DHX36: variants seen among roughly 807,000 people sequenced by gnomAD.
The protein encoded by DHX36 is ATP-dependent DNA/RNA helicase DHX36.
A neutral mutation model predicts 139.0 loss-of-function variants in DHX36; 50 were observed. The ratio of observed to expected loss-of-function variants is 0.36; its 90% CI spans 0.29 to 0.46. The LOEUF (loss-of-function observed/expected upper bound fraction) is 0.46, where lower values mean the gene tolerates loss of function less well. DHX36 is among the 20% of genes least tolerant of loss of function. The pLI, the probability that DHX36 is intolerant of heterozygous loss-of-function variation, is 1.00. For missense variants in DHX36, 1,024 were observed against 1,211.3 expected (o/e 0.85, Z 2.29); for synonymous variants, 425 against 401.9 (o/e 1.06, Z -0.69).
Position 154,284,570 on chromosome 3 carries a change from T to TC in DHX36, c.2292+12_2292+13insG. Reference sequence around the variant, plus strand: ...AAACTATCATAATCCAGGACAAAATTTTTTTTTTTTACCTCAAACGCATTC... The same window carrying TC: ...AAACTATCATAATCCAGGACAAAATTCTTTTTTTTTTACCTCAAACGCATTC... On this transcript the variant is annotated intron_variant, in intron 19 of 24. Transcript: ENST00000496811. The TC allele has an allele frequency of 6.5e-7, 1 of 1,532,702 alleles. No individual in the cohort carries two copies. The highest frequency in any genetic ancestry group is 8.9e-7 in the Non-Finnish European group (1 of 1,129,604). 94.9% of individuals were successfully genotyped at this position (1,532,702 alleles called of 1,614,324 possible). A position where few individuals can be genotyped will look rare whatever the true frequency, so the allele number is the denominator to read the frequency against.
chr3:154,295,207 G>T lies in DHX36; in HGVS notation c.1605+77C>A, dbSNP rs993042823. The T allele has an allele frequency of 3.3e-5, 28 of 855,060 alleles. No individual in the cohort carries two copies. The African/African-American group carries it at 5.1e-4, about 16-fold the overall frequency. 53.0% of individuals were successfully genotyped at this position (855,060 alleles called of 1,614,324 possible). A position where few individuals can be genotyped will look rare whatever the true frequency, so the allele number is the denominator to read the frequency against. ...GAAAATACTCCTTAAAAAAAATAAA[G>T]GAAAACACGTAACAAGCAGTCCTTA... is the stretch of plus-strand genomic sequence containing the variant. On this transcript the variant is annotated intron_variant, in intron 13 of 24. Transcript: ENST00000496811.
Position 154,280,816 on chromosome 3 carries a change from G to T in DHX36, c.2423C>A (p.Ala808Asp). The change falls in exon 21 of 25, where the codon GCT becomes GAT. Residue 808 changes from alanine (A) to aspartate (D), a missense_variant. Ala to Asp is a moderately radical substitution (Grantham distance 126). Coordinates refer to ENST00000496811, the MANE Select transcript of DHX36 (RefSeq NM_020865.3). ...AGGATTTCTACTGCTTACAAATCCAGCTCCAAGAAGATGCTCAGCAAACTG... is the reference window on the plus strand; with the variant it reads ...AGGATTTCTACTGCTTACAAATCCATCTCCAAGAAGATGCTCAGCAAACTG... ...KGQFAEHLLG[A>D]GFVSSRNPKD... 1 of 1,613,520 alleles carries T rather than the reference G, an allele frequency of 6.2e-7. No homozygotes were observed. Among genetic ancestry groups the T allele is most frequent in the Non-Finnish European group, 8.5e-7 (1 of 1,179,782 alleles).
Position 154,275,878 on chromosome 3 carries a change from T to C in DHX36, c.*293A>G, listed in dbSNP as rs1719130451. ...TTGTATAACAGAACAAAGGAATTTC[T>C]CAAGTGGTACAATACTCAATATATA... On this transcript the variant is annotated 3_prime_UTR_variant, in exon 25 of 25. Transcript: ENST00000496811. 5.2e-6 allele frequency: 1 copy of C among 191,758 alleles called. No homozygotes were observed. The highest frequency in any genetic ancestry group is 1.9e-4 in the South Asian group (1 of 5,206). 11.9% of individuals were successfully genotyped at this position (191,758 alleles called of 1,614,324 possible). A position where few individuals can be genotyped will look rare whatever the true frequency, so the allele number is the denominator to read the frequency against.
intron 19 of DHX36, 72 bp from the exon 20 acceptor site, chr3:154,283,343 C>CTTTA: frequency 9.5e-7 from 1 of 1,053,408 alleles, no homozygotes; most frequent in Non-Finnish European, 1.5e-6. Context: ...TCCCTCTTTA[C>CTTTA]TTTAGTAAAA....
intron 12 of DHX36, among the ~76,000 whole-genome samples, chr3:154,297,413 T>C (rs1164378592): frequency 6.6e-6 from 1 of 152,196 alleles, no homozygotes; most frequent in Non-Finnish European, 1.5e-5. Flanking sequence ...CGTGGATTCA[T>C]TAAGATTCTC....
chr3:154,278,407 T>G (rs924256174), intron 22 of DHX36: 1 of 152,142 alleles, frequency 6.6e-6, no homozygotes, highest in African/African-American at 2.4e-5. Context: ...ATTACCTGTA[T>G]TAACTAACAG....
intron 11 of DHX36, among the ~76,000 whole-genome samples, 168 bp from the exon 12 acceptor site, chr3:154,300,093 G>C (rs1712205837): frequency 1.3e-5 from 2 of 151,812 alleles, no homozygotes. Context: ...GTTTTTGAGA[G>C]AGTCTTGCTC....
At chr3:154,291,081 G>C (rs1375881823) in intron 15 of DHX36, among the ~76,000 whole-genome samples, 1 of 125,584 alleles carries the variant, frequency 8.0e-6, no homozygotes, top group East Asian at 2.5e-4. Context: ...CTTGCAGTGA[G>C]CCGAGATCCC....
In DHX36 at chr3:154,309,665, A is replaced by G; in HGVS notation, c.801T>C (p.Ile267=). ...AGAGATTACTTACTGAAATGGCACT[A>G]ATTCTTCTTGGCTGAGTACAAACTA... ...CRIVCTQPRR[I]SAISVAERVA... The change falls in exon 5 of 25, where the codon ATT becomes ATC. Residue 267 remains isoleucine (I), a synonymous_variant. Transcript: ENST00000496811. 6.3e-7 allele frequency: 1 copy of G among 1,599,840 alleles called. No homozygotes were observed. The highest frequency in any genetic ancestry group is 1.1e-5 in the South Asian group (1 of 87,602).
At chr3:154,314,989 A>C in intron 3 of DHX36, 57 bp downstream of exon 3, 1 of 1,258,962 alleles carries the variant, frequency 7.9e-7, no homozygotes, top group South Asian at 1.4e-5. Context: ...CCATACATAC[A>C]TTTTTATAAA....
rs1719075510 is a variant in DHX36, at chr3:154,274,117, G to A, written c.*2054C>T. 1 of 152,634 alleles carries A rather than the reference G, an allele frequency of 6.6e-6. No homozygotes were observed. The highest frequency in any genetic ancestry group is 1.5e-5 in the Non-Finnish European group (1 of 68,408). 9.5% of individuals were successfully genotyped at this position (152,634 alleles called of 1,614,324 possible). On this transcript the variant is annotated 3_prime_UTR_variant, in exon 25 of 25. Transcript: ENST00000496811. The stretch of plus-strand genomic sequence containing the variant: ...AGCACAGGAGTTTTGAGACCAGCCT[G>A]GGCAACATGGTGAAACGGTGTCTCT...
chr3:154,290,153 A>C (rs1198514550), intron 15 of DHX36, among the ~76,000 whole-genome samples: 2 of 152,212 alleles, frequency 1.3e-5, no homozygotes, highest in Non-Finnish European at 2.9e-5. Context: ...GGTTAAGAAT[A>C]GTAACGTCAA....
chr3:154,290,943 G>A (rs187158), intron 15 of DHX36, among the ~76,000 whole-genome samples: 101,952 of 149,888 alleles, frequency 0.68, 35,529 homozygotes, highest in South Asian at 0.77. Flanking sequence ...GACCATCCCG[G>A]CTAAAACGGT....
At chr3:154,296,820 C>T (rs976944264) in intron 12 of DHX36, among the ~76,000 whole-genome samples, 8 of 152,066 alleles carry the variant, frequency 5.3e-5, no homozygotes, top group Non-Finnish European at 1.2e-4. Flanking sequence ...AGAGATTTTA[C>T]GAATCTTAAA....
chr3:154,283,292 G>C (rs1719386207), intron 19 of DHX36, 21 bp from the exon 20 acceptor site: 1 of 1,554,382 alleles, frequency 6.4e-7, no homozygotes, highest in East Asian at 2.2e-5. Flanking sequence ...AAGAAATGAA[G>C]AAATCTATAT....
At chr3:154,310,463 T>G (rs955158067) in intron 4 of DHX36, among the ~76,000 whole-genome samples, 1 of 151,768 alleles carries the variant, frequency 6.6e-6, no homozygotes, top group African/African-American at 2.4e-5. Flanking sequence ...ATAAAACAAT[T>G]TAACTTGAAA....
Position 154,284,901 on chromosome 3 carries a change from A to G in DHX36, c.2118T>C (p.Ile706=). ...AGCAGCAGAACAGTGCTCCAAAAAG[A>G]ATCATTTTTCCAATATGTGGCTCAA... ...LPVEPHIGKM[I]LFGALFCCLD... is the part of the protein sequence containing the mutation. Residue 706 remains isoleucine (I), a synonymous_variant, in exon 18 of 25, where the codon ATT becomes ATC. Transcript: ENST00000496811. 6.2e-7 allele frequency: 1 copy of G among 1,614,156 alleles called. No homozygotes were observed. The highest frequency in any genetic ancestry group is 8.5e-7 in the Non-Finnish European group (1 of 1,180,018).
chr3:154,310,814 T>A lies in DHX36; in HGVS notation c.642+822A>T, dbSNP rs1442762026. ...AAAAAAAAAAAAAAAAAAATATATA[T>A]ATATATATATATATATATATATATA... On this transcript the variant is annotated intron_variant, in intron 4 of 24. Transcript: ENST00000496811. 8.5e-3 allele frequency among the ~76,000 whole-genome samples: 198 copies of A among 23,284 alleles called. 16 individuals carry two copies. The highest frequency in any genetic ancestry group is 0.02 in the East Asian group (13 of 636). 15.3% of individuals were successfully genotyped at this position (23,284 alleles called of 152,430 possible).
rs368441104 is a variant in DHX36, at chr3:154,280,620, T to C, written c.2526A>G (p.Lys842=). 1.1e-5 allele frequency: 18 copies of C among 1,613,258 alleles called. No homozygotes were observed. The highest frequency in any genetic ancestry group is 1.4e-5 in the Non-Finnish European group (16 of 1,179,696). The part of the protein sequence containing the change: ...KAVICAGLYP[K]VAKIRLNLGK... ...CCAAATTTAGTCGAATTTTAGCAAC[T>C]TTGGGATATAAACCAGCACAGATGA... The change falls in exon 22 of 25, where the codon AAA becomes AAG. Residue 842 remains lysine (K), a synonymous_variant. Transcript: ENST00000496811.
Sources: allele counts gnomAD v4.1 joint callset (sites outside exome capture counted in the v4.1 genomes callset), GRCh38; gene constraint gnomAD v4.1.1; transcripts MANE v1.5; gene names NCBI Gene and HGNC (gene_info 2026-07-23, HGNC 2026-07-21).